The following TRPM2 variants were observed in gnomAD, a reference collection of about 807,000 sequenced individuals.
TRPM2 encodes transient receptor potential cation channel subfamily M member 2, also known as estrogen-responsive element-associated gene 1 protein.
TRPM2 carries 161 observed loss-of-function variants against 174.0 expected under a neutral mutation model. The observed-to-expected ratio is 0.93, with a 90% CI of 0.81 to 1.05. TRPM2 has a LOEUF of 1.05. TRPM2 is among the 50% of genes least tolerant of loss of function. The pLI is 0.00. For missense variants in TRPM2, 2,057 were observed against 2,038.0 expected (o/e 1.01, Z -0.18); for synonymous variants, 954 against 861.3 (o/e 1.11, Z -1.88).
chr21:44,384,713 C>T (rs62218767), intron 9 of TRPM2, among the ~76,000 whole-genome samples: 31,341 of 152,096 alleles, frequency 0.21, 3,290 homozygotes, highest in African/African-American at 0.23. Flanking sequence ...GAAATGAACA[C>T]ATTTCTAGAA....
chr21:44,381,649 G>A (rs1461913810), intron 8 of TRPM2, among the ~76,000 whole-genome samples: 2 of 152,080 alleles, frequency 1.3e-5, no homozygotes, highest in African/African-American at 2.4e-5. Context: ...GCTCACAATT[G>A]TAATCCCAGC....
rs1242535926 is a variant in TRPM2, at chr21:44,391,139, G to A, written c.1440+114G>A. On this transcript the variant is annotated intron_variant, in intron 10 of 31. Coordinates refer to ENST00000397928, the MANE Select transcript of TRPM2 (RefSeq NM_003307.4). The surrounding 1 kb of genome is among the most constrained non-coding windows in gnomAD (Gnocchi z 5.0). ...CTGGATCCCAGCCCTTCCCTTGAGGGTGGGTGACCTGGGCAGCTTTCATCC... is the reference window on the plus strand; with the variant it reads ...CTGGATCCCAGCCCTTCCCTTGAGGATGGGTGACCTGGGCAGCTTTCATCC... The A allele has an allele frequency of 7.0e-6, 11 of 1,562,774 alleles. No individual in the cohort carries two copies. Among genetic ancestry groups the A allele is most frequent in the Middle Eastern group, 1.7e-4 (1 of 5,828 alleles).
intron 16 of TRPM2, among the ~76,000 whole-genome samples, chr21:44,402,903 G>C (rs1192512041): frequency 6.6e-6 from 1 of 152,160 alleles, no homozygotes; most frequent in African/African-American, 2.4e-5. Context: ...CTCTAACCTT[G>C]GTGGACCACC....
intron 19 of TRPM2, among the ~76,000 whole-genome samples, chr21:44,407,617 C>T (rs1028303672): frequency 1.4e-4 from 22 of 151,838 alleles, no homozygotes; most frequent in Admixed American, 6.6e-4. Context: ...GTTCCCCTCC[C>T]CTCAGCCACA....
Position 44,435,696 on chromosome 21 carries a change from A to T in TRPM2, c.4061+479A>T, listed in dbSNP as rs141557487. On this transcript the variant is annotated intron_variant, in intron 28 of 31. Transcript: ENST00000397928. ...ACAGAGCCCCACACTCACCCCTCAG[A>T]CTCACTTTCCACACCCATCCACGGG... 7.9e-3 allele frequency among the ~76,000 whole-genome samples: 855 copies of T among 108,712 alleles called. 18 individuals carry two copies. Among genetic ancestry groups the T allele is most frequent in the African/African-American group, 0.022 (525 of 24,052 alleles). The allele number at this position is 108,712 out of a possible 152,430, so 71.3% of individuals were successfully genotyped here.
rs962549248 is a variant in TRPM2 at position 44,442,207 on chromosome 21, G to A, written c.*390G>A. 6.2e-5 allele frequency: 11 copies of A among 177,104 alleles called. No individual in the cohort carries two copies. Among genetic ancestry groups the A allele is most frequent in the African/African-American group, 1.4e-4 (6 of 42,370 alleles). 11.0% of individuals were successfully genotyped at this position (177,104 alleles called of 1,614,324 possible). On this transcript the variant is annotated 3_prime_UTR_variant, in exon 32 of 32. Coordinates refer to ENST00000397928, the MANE Select transcript of TRPM2 (RefSeq NM_003307.4). ...CCTGAGGCAAGTTCCCCGGAGAGTC[G>A]GGGTCCCCTGTGGCCCCCTCAGGCC... is the stretch of plus-strand genomic sequence containing the variant.
chr21:44,433,101 A>G (rs1195306866), intron 27 of TRPM2, among the ~76,000 whole-genome samples: 1 of 152,206 alleles, frequency 6.6e-6, no homozygotes, highest in African/African-American at 2.4e-5. Context: ...CGGCCCGCTC[A>G]GGCTGACTGA....
At chr21:44,437,003 C>G (rs985275554) in intron 28 of TRPM2, 59 bp from the exon 29 acceptor site, 1 of 1,489,946 alleles carries the variant, frequency 6.7e-7, no homozygotes, top group African/African-American at 1.4e-5. Context: ...CCCGCCGCGG[C>G]GCAGGGGAGG....
chr21:44,391,610 C>G lies in TRPM2; in HGVS notation c.1779C>G (p.Pro593=). 6.3e-7 allele frequency: 1 copy of G among 1,578,608 alleles called. No individual in the cohort carries two copies. ...NDRLRLLLPV[P]HVKLNVQGVS... Reference sequence around the variant, plus strand: ...GGCTGCGGCTCCTGCTGCCCGTTCCCCACGTCAAGCTCAACGTGCGTGCTG... The same window carrying G: ...GGCTGCGGCTCCTGCTGCCCGTTCCGCACGTCAAGCTCAACGTGCGTGCTG... Residue 593 remains proline, a synonymous_variant, in exon 11 of 32, where the codon CCC becomes CCG. Coordinates refer to ENST00000397928, the MANE Select transcript of TRPM2 (RefSeq NM_003307.4). The surrounding 1 kb of genome is among the most constrained non-coding windows in gnomAD (Gnocchi z 5.0).
In TRPM2 at chr21:44,408,194, G is replaced by A. The variant is rs369301203; in HGVS notation, c.2962+1429G>A. On this transcript the variant is annotated intron_variant, in intron 19 of 31. Transcript: ENST00000397928. ...ACTCCTGACCTCAGGTGATCCACCC[G>A]CCTCGGCCTCCCAAAGTGCTGGGAT... Among the ~76,000 whole-genome samples, 25 of 152,104 alleles carry A rather than the reference G, an allele frequency of 1.6e-4. 1 individual carries two copies. In the South Asian group the frequency reaches 2.5e-3, roughly 15 times the overall value.
At position 44,375,999 on chromosome 21, in the gene TRPM2, C is replaced by A. The variant is rs752312297; in HGVS notation, c.938C>A (p.Thr313Asn). Residue 313 changes from threonine (T) to asparagine (N), a missense_variant, in exon 6 of 32, where the codon ACC (threonine) becomes AAC (asparagine). Thr to Asn is a moderately conservative substitution (Grantham distance 65). Coordinates refer to ENST00000397928, the MANE Select transcript of TRPM2 (RefSeq NM_003307.4). ...CTGGAGAAGTTCATATCGGAGCAGA[C>A]CAAGGAAAGAGGAGGTAGGGGAGCT... Reference protein sequence around the residue: ...TRLEKFISEQTKERGGVAIKI... With the variant: ...TRLEKFISEQNKERGGVAIKI... 1 of 1,613,336 alleles carries A rather than the reference C, an allele frequency of 6.2e-7. No homozygotes were observed. Among genetic ancestry groups the A allele is most frequent in the African/African-American group, 1.3e-5 (1 of 74,888 alleles).
intron 19 of TRPM2, among the ~76,000 whole-genome samples, chr21:44,407,067 G>A (rs2049917055): frequency 6.8e-6 from 1 of 147,550 alleles, no homozygotes; most frequent in Non-Finnish European, 1.5e-5. Context: ...ATGTCACCCT[G>A]TATCCCCTTT....
At chr21:44,394,579 A>G (rs1026730887) in intron 11 of TRPM2, among the ~76,000 whole-genome samples, 8 of 151,086 alleles carry the variant, frequency 5.3e-5, no homozygotes, top group Non-Finnish European at 1.2e-4. Context: ...TTGGCCTCCC[A>G]AATTGCTGGG....
Position 44,405,896 on chromosome 21 carries a change from G to A in TRPM2, c.2658-9G>A, listed in dbSNP as rs369366403. 1.3e-4 allele frequency: 215 copies of A among 1,599,880 alleles called. No homozygotes were observed. The highest frequency in any genetic ancestry group is 3.3e-4 in the Middle Eastern group (2 of 6,072). ...GGCTGAGATGTGTGTGCTTCTGCCC[G>A]GCGGCCAGGCTCATCCCGGCGACGC... On this transcript the variant is annotated splice_polypyrimidine_tract_variant and intron_variant, in intron 17 of 31. Coordinates refer to ENST00000397928, the MANE Select transcript of TRPM2 (RefSeq NM_003307.4).
At chr21:44,362,498 G>A (rs2048244463) in intron 2 of TRPM2, among the ~76,000 whole-genome samples, 1 of 150,924 alleles carries the variant, frequency 6.6e-6, no homozygotes, top group East Asian at 1.9e-4. Flanking sequence ...GGGTGACAGA[G>A]CGAGATTCCA....
intron 24 of TRPM2, 70 bp from the exon 25 acceptor site, chr21:44,425,599 AG>A: frequency 5.0e-6 from 7 of 1,412,808 alleles, no homozygotes; most frequent in Non-Finnish European, 6.5e-6. Flanking sequence ...CCACAGAGGA[AG>A]TCCTTGTCCT....
rs1178915022 is a variant in TRPM2 at position 44,432,832 on chromosome 21, G to A, written c.3975-2299G>A. 6.6e-6 allele frequency among the ~76,000 whole-genome samples: 1 copy of A among 152,230 alleles called. No individual in the cohort carries two copies. The highest frequency in any genetic ancestry group is 2.4e-5 in the African/African-American group (1 of 41,456). ...GAGCTGAGTGGATGAGTGAATGAAC[G>A]TGTGATTGCTGTAGCCAGACTGTCG... On this transcript the variant is annotated intron_variant, in intron 27 of 31. Transcript: ENST00000397928. The surrounding 1 kb of genome is among the most constrained non-coding windows in gnomAD (Gnocchi z 4.9).
intron 22 of TRPM2, chr21:44,422,360 C>G: frequency 6.5e-7 from 1 of 1,536,006 alleles, no homozygotes; most frequent in Non-Finnish European, 8.7e-7. Context: ...CACGCGGGTC[C>G]GAGAAGGCTC....
intron 22 of TRPM2, among the ~76,000 whole-genome samples, chr21:44,420,054 G>A (rs1013743663): frequency 6.6e-6 from 1 of 152,100 alleles, no homozygotes; most frequent in African/African-American, 2.4e-5. Context: ...TAATGAACTA[G>A]CTGATGTCAA....
Sources: allele counts gnomAD v4.1 joint callset (sites outside exome capture counted in the v4.1 genomes callset), GRCh38; gene constraint gnomAD v4.1.1; non-coding constraint Gnocchi (gnomAD v3.1); transcripts MANE v1.5; gene names NCBI Gene and HGNC (gene_info 2026-07-23, HGNC 2026-07-21).